Variants in RELT observed in about 807,000 individuals in gnomAD.
The protein encoded by RELT is RELT TNF receptor.
Under a neutral mutation model 51.1 loss-of-function variants are expected in RELT, and 37 were observed. The ratio of observed to expected loss-of-function variants is 0.72; its 90% confidence interval spans 0.56 to 0.95. RELT has a LOEUF of 0.95. Among genes scored for constraint, RELT ranks in the 40% least tolerant of loss-of-function variants. The pLI, the probability that RELT is intolerant of heterozygous loss-of-function variation, is 0.00. For synonymous variants in RELT, 241 were observed against 235.7 expected, an observed-to-expected ratio of 1.02 and a Z score of -0.21; for missense variants, 535 against 572.6, an observed-to-expected ratio of 0.93 and a Z score of 0.67.
intron 5 of RELT, 59 bp downstream of exon 5, chr11:73,391,282 G>A: frequency 1.3e-6 from 2 of 1,482,284 alleles, no homozygotes; most frequent in South Asian, 1.2e-5. Context: ...GGGCCAGTGA[G>A]TTGGAGCCCA....
In RELT at chr11:73,379,213, A is replaced by G. The variant is rs553579568; in HGVS notation, c.-26+2714A>G. ...TAGGGGCTGAGCCGGAGTTATTTCC[A>G]TCCTCAACAAAGAGGTGGAAATAGC... On this transcript the variant is annotated intron_variant, in intron 1 of 10. Coordinates refer to ENST00000064780, the MANE Select transcript of RELT (RefSeq NM_152222.2). Among the ~76,000 whole-genome samples the G allele has an allele frequency of 2.6e-5, 4 of 152,240 alleles. No individual in the cohort carries two copies. In the East Asian group the frequency reaches 5.8e-4, roughly 22 times the overall value.
intron 1 of RELT, among the ~76,000 whole-genome samples, chr11:73,382,483 A>G (rs931012290): frequency 6.6e-6 from 1 of 152,086 alleles, no homozygotes; most frequent in Admixed American, 6.5e-5. Context: ...GCACCCCCAG[A>G]CCCGTTGCTG....
intron 1 of RELT, among the ~76,000 whole-genome samples, chr11:73,381,109 T>C (rs1311512637): frequency 6.6e-6 from 1 of 152,156 alleles, no homozygotes; most frequent in Non-Finnish European, 1.5e-5. Context: ...CAGGCCCCAG[T>C]GTCACTGGGA....
chr11:73,393,443 A>G, intron 6 of RELT: 1 of 1,194,938 alleles, frequency 8.4e-7, no homozygotes, highest in East Asian at 5.7e-5. Context: ...TAGAGAGGCC[A>G]TGGAATAGCA....
intron 7 of RELT, 80 bp downstream of exon 7, chr11:73,393,997 G>A (rs1177882815): frequency 2.9e-6 from 4 of 1,383,834 alleles, no homozygotes; most frequent in Admixed American, 3.4e-5. Flanking sequence ...GCCGCGGTGG[G>A]CAGAGTCTTG....
At chr11:73,380,915 T>A (rs1866041304) in intron 1 of RELT, among the ~76,000 whole-genome samples, 1 of 152,172 alleles carries the variant, frequency 6.6e-6, no homozygotes, top group African/African-American at 2.4e-5. Context: ...GGGCCTAGGC[T>A]TGGTGCTGCT....
chr11:73,383,497 T>A (rs902915794), intron 1 of RELT, among the ~76,000 whole-genome samples: 4 of 152,202 alleles, frequency 2.6e-5, no homozygotes, highest in Non-Finnish European at 5.9e-5. Flanking sequence ...CCCTCCTGGG[T>A]CCTTAGTAAC....
intron 2 of RELT, among the ~76,000 whole-genome samples, chr11:73,389,432 C>T (rs1866176197): frequency 6.6e-6 from 1 of 152,196 alleles, no homozygotes; most frequent in African/African-American, 2.4e-5. Context: ...GCAAGATGCC[C>T]ATTGGCACGC....
At chr11:73,385,918 G>C (rs1364649834) in intron 1 of RELT, among the ~76,000 whole-genome samples, 1 of 152,176 alleles carries the variant, frequency 6.6e-6, no homozygotes, top group Non-Finnish European at 1.5e-5. Context: ...TGCAGTCCTA[G>C]TTACTCAGGA....
Position 73,396,300 on chromosome 11 carries a change from C to T in RELT, c.*809C>T, listed in dbSNP as rs1473943825. On this transcript the variant is annotated 3_prime_UTR_variant, in exon 11 of 11. Coordinates refer to ENST00000064780, the MANE Select transcript of RELT (RefSeq NM_152222.2). ...TTTTTAATGAAACTGAAAAAATAGA[C>T]TTGATCCCGGCAGGACTGTGATACA... 1 of 152,486 alleles carries T rather than the reference C, an allele frequency of 6.6e-6. No homozygotes were observed. The highest frequency in any genetic ancestry group is 2.4e-5 in the African/African-American group (1 of 41,478). The allele number at this position is 152,486 out of a possible 1,614,324, so 9.4% of individuals were successfully genotyped here. A position where few individuals can be genotyped will look rare whatever the true frequency, so the allele number is the denominator to read the frequency against.
At chr11:73,392,178 T>G in intron 5 of RELT, 33 bp from the exon 6 acceptor site, 1 of 1,604,176 alleles carries the variant, frequency 6.2e-7, no homozygotes, top group Non-Finnish European at 8.5e-7. Flanking sequence ...GTCACTCTGC[T>G]TTTGTCCTGC....
chr11:73,390,723 C>T (rs1200432978), intron 3 of RELT, 32 bp from the exon 4 acceptor site: 1 of 1,607,928 alleles, frequency 6.2e-7, no homozygotes, highest in East Asian at 2.2e-5. Flanking sequence ...GGCTTGGCTC[C>T]TGGCCATGCT....
At chr11:73,389,387 G>C (rs1866175742) in intron 2 of RELT, among the ~76,000 whole-genome samples, 1 of 152,232 alleles carries the variant, frequency 6.6e-6, no homozygotes, top group African/African-American at 2.4e-5. Context: ...TGAAGGGCTT[G>C]CTGGCATTTA....
At chr11:73,392,124 C>G in intron 5 of RELT, 87 bp from the exon 6 acceptor site, 1 of 1,464,922 alleles carries the variant, frequency 6.8e-7, no homozygotes, top group Non-Finnish European at 9.2e-7. Context: ...TCTCCTGCAG[C>G]CCCCACTGAC....
chr11:73,394,576 C>G lies in RELT; in HGVS notation c.888C>G (p.Ser296=). The G allele has an allele frequency of 6.2e-7, 1 of 1,612,882 alleles. No individual in the cohort carries two copies. Among genetic ancestry groups the G allele is most frequent in the Non-Finnish European group, 8.5e-7 (1 of 1,180,004 alleles). Residue 296 remains serine (S), a synonymous_variant, in exon 9 of 11, where the codon TCC becomes TCG. Transcript: ENST00000064780. The surrounding 1 kb of genome is among the most constrained non-coding windows in gnomAD (Gnocchi z 4.9). ...GLASLSGPCC[S]RCSQKKWPEV... is the part of the protein sequence containing the mutation. ...CCTCGCTCTCTGGCCCCTGCTGCTC[C>G]CGCTGTAGCCAGAAGAAGTGGCCCG...
chr11:73,386,660 C>T (rs962142855), intron 1 of RELT, among the ~76,000 whole-genome samples: 4 of 152,168 alleles, frequency 2.6e-5, no homozygotes, highest in African/African-American at 4.8e-5. Context: ...AGTGGGCCCT[C>T]GTTGGCTTTG....
At chr11:73,393,578 C>G (rs919852821) in intron 6 of RELT, 3 of 1,443,042 alleles carry the variant, frequency 2.1e-6, no homozygotes, top group African/African-American at 1.4e-5. Context: ...AATTCAATGA[C>G]TGGAGTTCAC....
chr11:73,391,873 A>C lies in RELT; in HGVS notation c.368-338A>C, dbSNP rs571917646. 7.9e-5 allele frequency: 35 copies of C among 444,914 alleles called. No individual in the cohort carries two copies. The East Asian group carries it at 1.4e-3, about 17-fold the overall frequency. 27.6% of individuals were successfully genotyped at this position (444,914 alleles called of 1,614,324 possible). On this transcript the variant is annotated intron_variant, in intron 5 of 10. Transcript: ENST00000064780. Reference sequence around the variant, plus strand: ...AGTCAGTCACCCCCTGAGGCACTAGATTCATGGCCAGGCCACAGGGAGGCA... The same window carrying C: ...AGTCAGTCACCCCCTGAGGCACTAGCTTCATGGCCAGGCCACAGGGAGGCA...
chr11:73,380,520 C>T (rs1369109710), intron 1 of RELT, among the ~76,000 whole-genome samples: 1 of 152,176 alleles, frequency 6.6e-6, no homozygotes, highest in African/African-American at 2.4e-5. Context: ...TATGGGGGAA[C>T]CTCGACTCAG....
Sources: allele counts gnomAD v4.1 joint callset (sites outside exome capture counted in the v4.1 genomes callset), GRCh38; gene constraint gnomAD v4.1.1; non-coding constraint Gnocchi (gnomAD v3.1); transcripts MANE v1.5; gene names NCBI Gene and HGNC (gene_info 2026-07-23, HGNC 2026-07-21).